Variants in FHIT observed in about 807,000 individuals in gnomAD.
FHIT encodes the protein bis(5'-adenosyl)-triphosphatase.
Under a neutral mutation model 17.9 loss-of-function variants are expected in FHIT, and 19 were observed. The ratio of observed to expected loss-of-function variants is 1.06; its 90% CI spans 0.74 to 1.56. The LOEUF is 1.56. FHIT is among the 40% of genes most tolerant of loss of function. The pLI is 0.00. For missense variants in FHIT, 248 were observed against 189.2 expected, an observed-to-expected ratio of 1.31 and a Z score of -1.82; for synonymous variants, 81 against 69.7, an observed-to-expected ratio of 1.16 and a Z score of -0.81.
Position 60,066,630 on chromosome 3 carries a change from A to ATTTTTTTTTTTT in FHIT, c.104-52490_104-52479dup, listed in dbSNP as rs71089574. Reference sequence around the variant, plus strand: ...ATAGGTTGATTTTAATCCCTGACAAATTTTTTTTTTTTTTTTTTTTTTTTT... The same window carrying ATTTTTTTTTTTT: ...ATAGGTTGATTTTAATCCCTGACAAATTTTTTTTTTTTTTTTTTTTTTTTTTTTTTTTTTTTT... On this transcript the variant is annotated intron_variant, in intron 5 of 9. Coordinates refer to ENST00000492590, the MANE Select transcript of FHIT (RefSeq NM_002012.4). Among the ~76,000 whole-genome samples, 54 of 51,420 alleles carry ATTTTTTTTTTTT rather than the reference A, an allele frequency of 1.1e-3. 4 individuals carry two copies. The highest frequency in any genetic ancestry group is 1.3e-3 in the Non-Finnish European group (37 of 27,696). The allele number at this position is 51,420 out of a possible 152,430, so 33.7% of individuals were successfully genotyped here.
At chr3:60,852,776 G>A (rs1703206665) in intron 3 of FHIT, among the ~76,000 whole-genome samples, 2 of 151,820 alleles carry the variant, frequency 1.3e-5, no homozygotes, top group South Asian at 2.1e-4. Context: ...GGCCAAAGTG[G>A]GAAGGCTGCT....
chr3:61,080,731 T>C (rs2035110331), intron 2 of FHIT, among the ~76,000 whole-genome samples: 2 of 152,168 alleles, frequency 1.3e-5, no homozygotes, highest in Admixed American at 1.3e-4. Context: ...GACTCAATTA[T>C]TTTTCTTTCG....
At chr3:59,839,043 G>A (rs1051318301) in intron 8 of FHIT, among the ~76,000 whole-genome samples, 2 of 152,146 alleles carry the variant, frequency 1.3e-5, no homozygotes, top group Non-Finnish European at 2.9e-5. Flanking sequence ...CCAGCTGGGC[G>A]CGGTAGCTCA....
intron 3 of FHIT, among the ~76,000 whole-genome samples, chr3:60,834,173 T>C (rs2106829631): frequency 6.6e-6 from 1 of 152,350 alleles, no homozygotes; most frequent in East Asian, 1.9e-4. Context: ...GCATGTTTAA[T>C]TTTGTAAGAA....
chr3:60,190,817 C>T (rs191604764), intron 5 of FHIT, among the ~76,000 whole-genome samples: 2 of 152,084 alleles, frequency 1.3e-5, no homozygotes, highest in African/African-American at 4.8e-5. Context: ...GTAGTGCACA[C>T]GTGTAGTCCC....
At chr3:60,011,427 G>A (rs1218634870) in intron 6 of FHIT, 27 bp from the exon 7 acceptor site, 2 of 1,603,572 alleles carry the variant, frequency 1.2e-6, no homozygotes, top group Admixed American at 1.7e-5. Flanking sequence ...ACCAACAGAG[G>A]TGAGAATAGA....
intron 4 of FHIT, among the ~76,000 whole-genome samples, chr3:60,626,625 T>C (rs1456308000): frequency 3.9e-5 from 6 of 152,182 alleles, no homozygotes; most frequent in Middle Eastern, 6.8e-3. Flanking sequence ...CTTCTATATA[T>C]AAGATTATGC....
intron 5 of FHIT, among the ~76,000 whole-genome samples, chr3:60,281,658 C>A (rs1389462164): frequency 6.7e-6 from 1 of 149,256 alleles, no homozygotes; most frequent in Non-Finnish European, 1.5e-5. Flanking sequence ...AGACCTTACA[C>A]CTTTTACAAA....
chr3:60,003,868 T>G (rs935401346), intron 7 of FHIT, among the ~76,000 whole-genome samples: 1 of 152,094 alleles, frequency 6.6e-6, no homozygotes, highest in Admixed American at 6.6e-5. Flanking sequence ...CTTTTTTTTT[T>G]TTTTTTAACA....
At chr3:60,706,919 C>T (rs2041387771) in intron 4 of FHIT, among the ~76,000 whole-genome samples, 3 of 152,200 alleles carry the variant, frequency 2.0e-5, no homozygotes, top group Admixed American at 6.5e-5. Context: ...CTTTTCTCAT[C>T]TTGTCCGAGA....
At chr3:60,934,922 G>A (rs1379002634) in intron 3 of FHIT, among the ~76,000 whole-genome samples, 4 of 152,130 alleles carry the variant, frequency 2.6e-5, no homozygotes, top group African/African-American at 4.8e-5. Flanking sequence ...ACTGCACCCC[G>A]GAAAGTGCCC....
At position 60,406,000 on chromosome 3, in the gene FHIT, G is replaced by A. The variant is rs527831171; in HGVS notation, c.103+130860C>T. On this transcript the variant is annotated intron_variant, in intron 5 of 9. Coordinates refer to ENST00000492590, the MANE Select transcript of FHIT (RefSeq NM_002012.4). ...AGATAACAAATGTAAAATTCATAGAGTATAGCCTGGCACATAACTGCTCAA... is the reference window on the plus strand; with the variant it reads ...AGATAACAAATGTAAAATTCATAGAATATAGCCTGGCACATAACTGCTCAA... Among the ~76,000 whole-genome samples the A allele has an allele frequency of 3.9e-5, 6 of 152,278 alleles. No homozygotes were observed. The East Asian group carries it at 9.7e-4, about 25-fold the overall frequency.
intron 2 of FHIT, among the ~76,000 whole-genome samples, chr3:61,149,121 A>C (rs2037311515): frequency 6.6e-6 from 1 of 152,242 alleles, no homozygotes; most frequent in Non-Finnish European, 1.5e-5. Flanking sequence ...TAAGAGGCAA[A>C]TATTTCAGGG....
intron 5 of FHIT, among the ~76,000 whole-genome samples, chr3:60,121,986 T>C (rs1275018682): frequency 6.6e-6 from 1 of 152,176 alleles, no homozygotes; most frequent in Non-Finnish European, 1.5e-5. Flanking sequence ...GCCTGCTAAG[T>C]ATAATCTGCT....
intron 5 of FHIT, among the ~76,000 whole-genome samples, chr3:60,247,608 G>T (rs1209500552): frequency 1.3e-5 from 2 of 152,034 alleles, no homozygotes; most frequent in East Asian, 3.9e-4. Flanking sequence ...AATCATATAC[G>T]CCCAGCCTCT....
intron 4 of FHIT, among the ~76,000 whole-genome samples, chr3:60,644,533 C>T (rs929605996): frequency 2.6e-5 from 4 of 152,162 alleles, no homozygotes; most frequent in African/African-American, 9.7e-5. Flanking sequence ...CATACAAATA[C>T]ATAACTTCAT....
intron 7 of FHIT, among the ~76,000 whole-genome samples, chr3:59,974,270 C>T (rs1014685836): frequency 1.1e-4 from 16 of 152,154 alleles, no homozygotes; most frequent in African/African-American, 3.4e-4. Context: ...AAGCCGTGTT[C>T]TCATTCTGTG....
At chr3:59,876,767 C>A (rs1436674797) in intron 8 of FHIT, among the ~76,000 whole-genome samples, 1 of 152,158 alleles carries the variant, frequency 6.6e-6, no homozygotes, top group African/African-American at 2.4e-5. Context: ...CTTTCTGTTC[C>A]CCCTTCTTAC....
intron 5 of FHIT, among the ~76,000 whole-genome samples, chr3:60,053,657 A>G (rs1273417496): frequency 1.3e-5 from 2 of 152,032 alleles, no homozygotes; most frequent in African/African-American, 4.8e-5. Context: ...AATTGAGTCT[A>G]TCATTTGAAG....
Sources: allele counts gnomAD v4.1 joint callset (sites outside exome capture counted in the v4.1 genomes callset), GRCh38; gene constraint gnomAD v4.1.1; transcripts MANE v1.5; gene names NCBI Gene and HGNC (gene_info 2026-07-23, HGNC 2026-07-21).